Variants in E2F3 observed in about 807,000 individuals in gnomAD.
E2F3 encodes E2F transcription factor 3.
E2F3 carries 11 observed loss-of-function variants against 44.4 expected under a neutral mutation model. The ratio of observed to expected loss-of-function variants is 0.25; its 90% CI spans 0.16 to 0.41. The LOEUF is 0.41. E2F3 is among the 10% of genes least tolerant of loss of function. The pLI is 1.00. For synonymous variants in E2F3, 249 were observed against 253.0 expected (o/e 0.98, Z 0.15); for missense variants, 487 against 583.6 (o/e 0.83, Z 1.70).
At chr6:20,431,986 G>A (rs989280855) in intron 1 of E2F3, among the ~76,000 whole-genome samples, 3 of 152,184 alleles carry the variant, frequency 2.0e-5, no homozygotes, top group Non-Finnish European at 2.9e-5. Context: ...TAAGCTCACC[G>A]GGTGTCTTTT....
intron 1 of E2F3, among the ~76,000 whole-genome samples, chr6:20,450,816 A>G (rs1761105722): frequency 6.6e-6 from 1 of 152,228 alleles, no homozygotes; most frequent in Admixed American, 6.5e-5. Context: ...TGGTATAACG[A>G]AAGAGTCCAC....
intron 1 of E2F3, among the ~76,000 whole-genome samples, chr6:20,431,954 T>G (rs977848897): frequency 6.6e-6 from 1 of 152,240 alleles, no homozygotes; most frequent in Non-Finnish European, 1.5e-5. Context: ...GGCTGCCTCT[T>G]CACCTGGTCG....
chr6:20,466,123 G>A (rs1193870382), intron 1 of E2F3, among the ~76,000 whole-genome samples: 7 of 150,800 alleles, frequency 4.6e-5, no homozygotes, highest in Admixed American at 1.3e-4. Context: ...GGTGCGGGGC[G>A]GGGGGTGTGG....
chr6:20,444,424 A>T (rs867896583), intron 1 of E2F3, among the ~76,000 whole-genome samples: 1 of 152,238 alleles, frequency 6.6e-6, no homozygotes, highest in African/African-American at 2.4e-5. Flanking sequence ...GTGCAGCTAC[A>T]GTTGATACCT....
intron 1 of E2F3, chr6:20,403,743 G>A: frequency 6.8e-7 from 1 of 1,467,440 alleles, no homozygotes; most frequent in Non-Finnish European, 9.0e-7. Context: ...TGCGCCGCCG[G>A]TCTGTTCGGC....
At position 20,402,232 on chromosome 6, in the gene E2F3, G is replaced by A. The variant is rs773124344; in HGVS notation, c.-1G>A. ...AACACTAAAAAGAGCAGGAGCGAGA[G>A]ATGAGAAAGGGAATCCAGCCCGCTC... On this transcript the variant is annotated 5_prime_UTR_variant, in exon 1 of 7. Transcript: ENST00000346618. The surrounding 1 kb of genome is among the most constrained non-coding windows in gnomAD (Gnocchi z 5.6). The A allele has an allele frequency of 1.3e-6, 2 of 1,587,470 alleles. No individual in the cohort carries two copies. The highest frequency in any genetic ancestry group is 1.1e-5 in the South Asian group (1 of 87,530).
intron 1 of E2F3, among the ~76,000 whole-genome samples, chr6:20,447,216 T>G (rs1361276025): frequency 6.6e-6 from 1 of 152,172 alleles, no homozygotes; most frequent in Non-Finnish European, 1.5e-5. Flanking sequence ...CTGGGCGTTC[T>G]GCAGCTTGGG....
rs749764980 is a variant in E2F3, at chr6:20,488,088, G to T, written c.1000-25G>T. The T allele has an allele frequency of 5.6e-6, 9 of 1,610,136 alleles. No homozygotes were observed. The Admixed American group carries it at 1.0e-4, about 18-fold the overall frequency. On this transcript the variant is annotated intron_variant, in intron 5 of 6. Transcript: ENST00000346618. ...TTATTTCTAAAAGAACTTCTGATTC[G>T]AACTTCTCCCACTTCTGTTCATAGA...
intron 3 of E2F3, 77 bp downstream of exon 3, chr6:20,481,502 C>T (rs1762223440): frequency 1.6e-6 from 2 of 1,248,804 alleles, no homozygotes; most frequent in Admixed American, 1.8e-5. Flanking sequence ...TCCTCACTTT[C>T]ACATCCACGC....
chr6:20,412,207 C>T (rs1759697113), intron 1 of E2F3, among the ~76,000 whole-genome samples: 1 of 152,078 alleles, frequency 6.6e-6, no homozygotes, highest in Non-Finnish European at 1.5e-5. Flanking sequence ...AGGTGAGAGT[C>T]ACCAGACTCC....
chr6:20,412,793 G>A (rs1759718270), intron 1 of E2F3, among the ~76,000 whole-genome samples: 1 of 152,212 alleles, frequency 6.6e-6, no homozygotes, highest in Non-Finnish European at 1.5e-5. Context: ...GTTTTAAAAT[G>A]TTGGCTGAAT....
At chr6:20,458,804 G>A (rs898758013) in intron 1 of E2F3, among the ~76,000 whole-genome samples, 3 of 152,226 alleles carry the variant, frequency 2.0e-5, no homozygotes, top group Non-Finnish European at 4.4e-5. Context: ...TCTTTGGGAA[G>A]AACAATTAGA....
intron 1 of E2F3, among the ~76,000 whole-genome samples, chr6:20,422,529 C>T (rs1581582282): frequency 6.6e-6 from 1 of 152,250 alleles, no homozygotes; most frequent in African/African-American, 2.4e-5. Flanking sequence ...TAGTTTTTTG[C>T]CTATTTCAGG....
intron 1 of E2F3, among the ~76,000 whole-genome samples, chr6:20,408,933 T>A (rs574665841): frequency 6.6e-6 from 1 of 152,326 alleles, no homozygotes; most frequent in African/African-American, 2.4e-5. Context: ...GGTCTTGGAA[T>A]CATAACATTT....
At chr6:20,403,121 G>T (rs1208998177) in intron 1 of E2F3, among the ~76,000 whole-genome samples, 1 of 151,956 alleles carries the variant, frequency 6.6e-6, no homozygotes, top group Admixed American at 6.5e-5. Context: ...GGGTCCCTGC[G>T]GCGTGCTCGG....
At chr6:20,431,927 G>A (rs1030194253) in intron 1 of E2F3, among the ~76,000 whole-genome samples, 4 of 152,200 alleles carry the variant, frequency 2.6e-5, no homozygotes, top group Non-Finnish European at 4.4e-5. Flanking sequence ...CTCTGAGGCC[G>A]CTCTCGGCTC....
At chr6:20,451,508 A>T (rs1361942278) in intron 1 of E2F3, among the ~76,000 whole-genome samples, 1 of 152,152 alleles carries the variant, frequency 6.6e-6, no homozygotes, top group Admixed American at 6.5e-5. Context: ...CTGCAAACAG[A>T]GGGTAGTTTG....
At position 20,402,420 on chromosome 6, in the gene E2F3, C is replaced by T. The variant is rs1361142054; in HGVS notation, c.188C>T (p.Thr63Met). 1.9e-6 allele frequency: 3 copies of T among 1,611,756 alleles called. No homozygotes were observed. The highest frequency in any genetic ancestry group is 1.7e-4 in the Middle Eastern group (1 of 6,050). The change falls in exon 1 of 7, where the codon ACG (threonine) becomes ATG (methionine). Residue 63 changes from threonine (T) to methionine (M), a missense_variant. Thr to Met is a moderately conservative substitution (Grantham distance 81). This residue lies in a region of E2F3 where 238 missense variants were observed against 236.0 expected (regional missense o/e 1.01). Coordinates refer to ENST00000346618, the MANE Select transcript of E2F3 (RefSeq NM_001949.5). This position sits in a 1 kb window ranked among gnomAD's most constrained non-coding sequence, Gnocchi z 5.6. ...GGCGCGTACATCCAGATCCTCACCACGAACACTTCCACCACCTCCTGTTCC... is the reference window on the plus strand; with the variant it reads ...GGCGCGTACATCCAGATCCTCACCATGAACACTTCCACCACCTCCTGTTCC... ...APGAYIQILT[T>M]NTSTTSCSSS...
intron 2 of E2F3, among the ~76,000 whole-genome samples, chr6:20,480,515 T>C (rs1326378720): frequency 6.6e-6 from 1 of 152,204 alleles, no homozygotes; most frequent in Non-Finnish European, 1.5e-5. Flanking sequence ...TAAATTAGAC[T>C]TTGTTCTCTC....
Sources: gnomAD v4.1 joint callset for allele counts (sites outside exome capture counted in the v4.1 genomes callset) on GRCh38, gnomAD v4.1.1 for gene constraint, gnomAD v4.1.1 regional missense constraint, Gnocchi (gnomAD v3.1) non-coding constraint, MANE v1.5 for transcripts, NCBI Gene and HGNC (gene_info 2026-07-23, HGNC 2026-07-21) for gene names.